USP54: variants seen among roughly 807,000 people sequenced by gnomAD.
USP54 encodes the protein ubiquitin carboxyl-terminal hydrolase 54.
USP54 carries 87 observed loss-of-function variants against 170.5 expected under a neutral mutation model. The observed-to-expected ratio is 0.51, with a 90% CI of 0.43 to 0.61. USP54 has a LOEUF of 0.61. Among genes scored for constraint, USP54 ranks in the 20% least tolerant of loss-of-function variants. USP54 has a pLI of 0.00. For missense variants in USP54, 1,786 were observed against 2,047.8 expected (o/e 0.87, Z 2.47); for synonymous variants, 655 against 742.8 (o/e 0.88, Z 1.92).
chr10:73,595,447 A>G (rs2078649248), upstream of USP54, among the ~76,000 whole-genome samples: 1 of 152,166 alleles, frequency 6.6e-6, no homozygotes, highest in African/African-American at 2.4e-5. Flanking sequence ...GGGAAGAGAA[A>G]AAAACTGATC....
At chr10:73,543,372 T>G (rs1228940271) in intron 5 of USP54, among the ~76,000 whole-genome samples, 1 of 152,068 alleles carries the variant, frequency 6.6e-6, no homozygotes, top group East Asian at 1.9e-4. Flanking sequence ...TTTTGTTTGT[T>G]TTTTTGTTTT....
In USP54 at chr10:73,500,641, T is replaced by C; in HGVS notation, c.4495+14A>G. 6.3e-7 allele frequency: 1 copy of C among 1,582,568 alleles called. No individual in the cohort carries two copies. The highest frequency in any genetic ancestry group is 8.6e-7 in the Non-Finnish European group (1 of 1,166,840). ...CCAAATTCTGGCATATAATATTAGA[T>C]TTGGGGGAGTTACCTGGGAGTCTAT... On this transcript the variant is annotated intron_variant, in intron 23 of 23. Coordinates refer to ENST00000687698, the MANE Select transcript of USP54 (RefSeq NM_001391956.1).
intron 1 of USP54, among the ~76,000 whole-genome samples, chr10:73,591,000 A>ATTTT (rs201118539): frequency 6.7e-6 from 1 of 149,976 alleles, no homozygotes. Flanking sequence ...AAAATCTATG[A>ATTTT]ATTTTTTTTT....
At chr10:73,536,605 C>A (rs2065258675) in intron 10 of USP54, among the ~76,000 whole-genome samples, 168 bp from the exon 11 acceptor site, 1 of 152,096 alleles carries the variant, frequency 6.6e-6, no homozygotes. Context: ...TTAATTAAAT[C>A]TTTTTTTTCT....
intron 9 of USP54, among the ~76,000 whole-genome samples, chr10:73,540,297 G>A (rs1013456810): frequency 2.6e-5 from 4 of 151,412 alleles, no homozygotes; most frequent in East Asian, 1.9e-4. Flanking sequence ...CCAGCTGGGC[G>A]CGGTGGCTCA....
chr10:73,550,883 G>T (rs2069138445), intron 4 of USP54, among the ~76,000 whole-genome samples: 1 of 152,122 alleles, frequency 6.6e-6, no homozygotes, highest in African/African-American at 2.4e-5. Flanking sequence ...GAGGTGGGCG[G>T]ATCACGAGGT....
chr10:73,564,430 C>T (rs1312986629), intron 4 of USP54, among the ~76,000 whole-genome samples: 2 of 152,180 alleles, frequency 1.3e-5, no homozygotes, highest in Non-Finnish European at 2.9e-5. Context: ...CTTAGATTCA[C>T]AGGGCAAGTA....
At chr10:73,606,168 G>C (rs990219031) in intron 1 of USP54, among the ~76,000 whole-genome samples, 1 of 110,404 alleles carries the variant, frequency 9.1e-6, no homozygotes, top group Non-Finnish European at 1.8e-5. Context: ...ACAGAGTGAG[G>C]CTGTCTCAAA....
At chr10:73,585,073 A>T (rs2077320981) in intron 1 of USP54, among the ~76,000 whole-genome samples, 1 of 152,212 alleles carries the variant, frequency 6.6e-6, no homozygotes, top group Non-Finnish European at 1.5e-5. Flanking sequence ...TGGCTGGAAA[A>T]GAACAATGGT....
At chr10:73,576,506 G>GAAAAAAAA (rs112010968) in intron 1 of USP54, 145 bp from the exon 2 acceptor site, 4 of 74,872 alleles carry the variant, frequency 5.3e-5, no homozygotes, top group Non-Finnish European at 5.7e-5. Flanking sequence ...AAGAAAAAAA[G>GAAAAAAAA]AAAAAAAAAA....
chr10:73,542,964 C>T, intron 6 of USP54, 54 bp downstream of exon 6: 1 of 1,609,046 alleles, frequency 6.2e-7, no homozygotes, highest in East Asian at 2.2e-5. Flanking sequence ...CCCCACATCC[C>T]AGGATAAAGT....
At chr10:73,527,498 CAAAAAAAA>C (rs931778033) in intron 15 of USP54, among the ~76,000 whole-genome samples, 7 of 52,144 alleles carry the variant, frequency 1.3e-4, no homozygotes, top group Non-Finnish European at 2.4e-4. Flanking sequence ...CACTCCATCT[CAAAAAAAA>C]AAAAAAAAAA....
chr10:73,546,682 T>G (rs2067912017), intron 4 of USP54: 1 of 152,208 alleles, frequency 6.6e-6, no homozygotes, highest in Non-Finnish European at 1.5e-5. Context: ...TTTTACTTGT[T>G]GTTTTTTGTT....
At position 73,539,514 on chromosome 10, in the gene USP54, T is replaced by C; in HGVS notation, c.905A>G (p.His302Arg). ...LVGMICYYGK[H>R]YSTFFFQTKI... ...TGTTTGAAAAAAGAATGTAGAATAA[T>C]GTTTGCCATAGTAACAGATCATTCC... is the stretch of plus-strand genomic sequence containing the variant. Residue 302 changes from histidine to arginine, a missense_variant, in exon 10 of 24, where the codon CAT becomes CGT. Physicochemically the swap from His to Arg is conservative, Grantham distance 29 (BLOSUM62 0). Around this residue, in one of 3 missense-constraint regions of USP54, gnomAD observed 361 missense variants for 455.0 expected, o/e 0.79. Coordinates refer to ENST00000687698, the MANE Select transcript of USP54 (RefSeq NM_001391956.1). 2 of 1,612,406 alleles carry C rather than the reference T, an allele frequency of 1.2e-6. No homozygotes were observed. The highest frequency in any genetic ancestry group is 8.5e-7 in the Non-Finnish European group (1 of 1,178,900).
At chr10:73,523,438 TA>T in intron 17 of USP54, 144 bp downstream of exon 17, 1 of 991,378 alleles carries the variant, frequency 1.0e-6, no homozygotes. Flanking sequence ...CATCCTACTC[TA>T]ACTTGTTCTC....
intron 1 of USP54, among the ~76,000 whole-genome samples, chr10:73,606,071 G>A (rs1030195136): frequency 6.6e-6 from 1 of 150,936 alleles, no homozygotes; most frequent in Non-Finnish European, 1.5e-5. Flanking sequence ...CCAGCCACTC[G>A]GGAGGCTGAA....
intron 4 of USP54, among the ~76,000 whole-genome samples, chr10:73,569,885 G>A (rs1438354827): frequency 2.5e-5 from 2 of 81,462 alleles, no homozygotes; most frequent in Non-Finnish European, 4.7e-5. Flanking sequence ...CTGGGCAACA[G>A]AGCAAGATTT....
At chr10:73,533,765 A>G (rs1031887550) in intron 12 of USP54, among the ~76,000 whole-genome samples, 4 of 152,224 alleles carry the variant, frequency 2.6e-5, no homozygotes, top group African/African-American at 9.6e-5. Flanking sequence ...TAAACAAAAC[A>G]ATGCAAGAAT....
chr10:73,569,963 C>CAA (rs755776753), intron 4 of USP54, among the ~76,000 whole-genome samples: 70 of 78,708 alleles, frequency 8.9e-4, no homozygotes, highest in South Asian at 2.0e-3. Context: ...TAATACTGGT[C>CAA]AAAAAAAATT....
Sources: allele counts gnomAD v4.1 joint callset (sites outside exome capture counted in the v4.1 genomes callset), GRCh38; gene constraint gnomAD v4.1.1; regional missense constraint gnomAD v4.1.1; transcripts MANE v1.5; gene names NCBI Gene and HGNC (gene_info 2026-07-23, HGNC 2026-07-21).